Variants in KCNQ5 observed in about 807,000 individuals in gnomAD.
KCNQ5 encodes potassium voltage-gated channel subfamily KQT member 5.
Under a neutral mutation model 98.2 loss-of-function variants are expected in KCNQ5, and 30 were observed. That is an observed-to-expected ratio of 0.31 (90% CI 0.23 to 0.41). The LOEUF is 0.41. Among genes scored for constraint, KCNQ5 ranks in the 10% least tolerant of loss-of-function variants. The pLI, the probability that KCNQ5 is intolerant of heterozygous loss-of-function variation, is 1.00. For missense variants in KCNQ5, 835 were observed against 1,182.5 expected, an observed-to-expected ratio of 0.71 and a Z score of 4.31; for synonymous variants, 458 against 449.4, an observed-to-expected ratio of 1.02 and a Z score of -0.24.
intron 1 of KCNQ5, among the ~76,000 whole-genome samples, chr6:72,694,696 G>A (rs1768392638): frequency 6.6e-6 from 1 of 152,114 alleles, no homozygotes. Flanking sequence ...TCACGATACT[G>A]GAACTACACC....
intron 10 of KCNQ5, among the ~76,000 whole-genome samples, chr6:73,139,360 G>T (rs553723718): frequency 4.5e-4 from 68 of 152,280 alleles, no homozygotes; most frequent in Middle Eastern, 3.4e-3. Context: ...GATCAAGTGT[G>T]GGGGGAAGTA....
intron 1 of KCNQ5, among the ~76,000 whole-genome samples, chr6:72,997,464 C>T (rs935237133): frequency 3.3e-5 from 5 of 151,918 alleles, no homozygotes; most frequent in Non-Finnish European, 5.9e-5. Flanking sequence ...AAAAACTGCT[C>T]GCTGATGACG....
At chr6:72,811,514 C>T (rs1582336786) in intron 1 of KCNQ5, among the ~76,000 whole-genome samples, 3 of 152,160 alleles carry the variant, frequency 2.0e-5, no homozygotes, top group East Asian at 3.9e-4. Context: ...CTCTTTCCTA[C>T]TAAAAAAGAA....
At chr6:72,942,492 A>G (rs1485042075) in intron 1 of KCNQ5, among the ~76,000 whole-genome samples, 1 of 152,238 alleles carries the variant, frequency 6.6e-6, no homozygotes, top group African/African-American at 2.4e-5. Context: ...TGCTACAGAT[A>G]AAAAATTAAA....
chr6:72,987,498 A>G, intron 1 of KCNQ5: 1 of 663,600 alleles, frequency 1.5e-6, no homozygotes, highest in South Asian at 1.4e-5. Context: ...TGGTGGCTTC[A>G]AAAACCTGTC....
intron 1 of KCNQ5, among the ~76,000 whole-genome samples, chr6:72,832,360 C>A (rs1776314197): frequency 6.6e-6 from 1 of 152,116 alleles, no homozygotes; most frequent in African/African-American, 2.4e-5. Context: ...TTAGCTGACT[C>A]TGTATACCCT....
At chr6:73,063,689 TA>T (rs58755249) in intron 3 of KCNQ5, among the ~76,000 whole-genome samples, 10,472 of 92,494 alleles carry the variant, frequency 0.11, 634 homozygotes, top group East Asian at 0.17. Context: ...AGATAGATGA[TA>T]GATAGATAGA....
In KCNQ5 at chr6:72,844,417, T is replaced by G. The variant is rs183059142; in HGVS notation, c.399-159491T>G. ...ATCATCTTTAAAATGTGCAGTTCTC[T>G]TCAGGTTATTCTCTAGATCCATTCT... is the stretch of plus-strand genomic sequence containing the variant. On this transcript the variant is annotated intron_variant, in intron 1 of 13. Transcript: ENST00000370398. 2.0e-5 allele frequency among the ~76,000 whole-genome samples: 3 copies of G among 152,372 alleles called. No individual in the cohort carries two copies. In the East Asian group the frequency reaches 5.8e-4, roughly 29 times the overall value.
intron 1 of KCNQ5, among the ~76,000 whole-genome samples, chr6:72,809,100 G>T (rs1775102746): frequency 6.6e-6 from 1 of 151,652 alleles, no homozygotes; most frequent in South Asian, 2.1e-4. Flanking sequence ...TAGGGACATG[G>T]ATGAAACTGG....
chr6:72,718,718 G>A (rs1437720807), intron 1 of KCNQ5, among the ~76,000 whole-genome samples: 1 of 151,894 alleles, frequency 6.6e-6, no homozygotes, highest in Admixed American at 6.6e-5. Context: ...CAAAGTGCTG[G>A]GATTAGAGGC....
intron 2 of KCNQ5, among the ~76,000 whole-genome samples, chr6:73,039,655 T>C (rs888860585): frequency 6.6e-6 from 1 of 152,224 alleles, no homozygotes; most frequent in African/African-American, 2.4e-5. Flanking sequence ...TTTCTAGTTT[T>C]ATTCCATTGT....
chr6:72,952,306 A>G (rs1288824386), intron 1 of KCNQ5, among the ~76,000 whole-genome samples: 2 of 152,154 alleles, frequency 1.3e-5, no homozygotes, highest in Admixed American at 1.3e-4. Context: ...TGTGCTAACA[A>G]CTTTTCCATT....
intron 6 of KCNQ5, among the ~76,000 whole-genome samples, chr6:73,107,921 G>GA (rs556672218): frequency 1.7e-4 from 26 of 152,092 alleles, no homozygotes; most frequent in Admixed American, 8.5e-4. Flanking sequence ...TATACCTTTA[G>GA]AAAAAAACAA....
rs568629758 is a variant in KCNQ5 at position 72,671,512 on chromosome 6, A to G, written c.398+48925A>G. 2.6e-5 allele frequency among the ~76,000 whole-genome samples: 4 copies of G among 152,346 alleles called. No individual in the cohort carries two copies. The South Asian group carries it at 6.2e-4, about 24-fold the overall frequency. On this transcript the variant is annotated intron_variant, in intron 1 of 13. Coordinates refer to ENST00000370398, the MANE Select transcript of KCNQ5 (RefSeq NM_019842.4). ...CTTGAGTCTTGTTTTCTAGAGAGAC[A>G]AGATAATGACAATGAACACATTTTT...
intron 1 of KCNQ5, among the ~76,000 whole-genome samples, chr6:72,693,319 A>G (rs943122816): frequency 6.6e-6 from 1 of 152,140 alleles, no homozygotes; most frequent in Non-Finnish European, 1.5e-5. Context: ...CAAGATGTGG[A>G]GAGATTTTAA....
chr6:73,035,347 G>A (rs1229147135), intron 2 of KCNQ5, among the ~76,000 whole-genome samples: 1 of 152,142 alleles, frequency 6.6e-6, no homozygotes, highest in Non-Finnish European at 1.5e-5. Flanking sequence ...AAATAAGGAA[G>A]GACAGGACCA....
chr6:73,069,505 G>A (rs765296611), intron 3 of KCNQ5, among the ~76,000 whole-genome samples: 5 of 151,940 alleles, frequency 3.3e-5, no homozygotes, highest in African/African-American at 7.3e-5. Context: ...TGATATGTAC[G>A]GAGCTAGTCA....
intron 1 of KCNQ5, among the ~76,000 whole-genome samples, chr6:72,764,178 A>C (rs962788106): frequency 6.6e-6 from 1 of 152,026 alleles, no homozygotes; most frequent in African/African-American, 2.4e-5. Flanking sequence ...ATGAAAAAAA[A>C]CACTCTGTTA....
At chr6:73,019,804 T>C (rs1396109093) in intron 2 of KCNQ5, among the ~76,000 whole-genome samples, 1 of 152,170 alleles carries the variant, frequency 6.6e-6, no homozygotes, top group Non-Finnish European at 1.5e-5. Flanking sequence ...AATATTTTGT[T>C]AAAAATATAA....
Sources: gnomAD v4.1 joint callset for allele counts (sites outside exome capture counted in the v4.1 genomes callset) on GRCh38, gnomAD v4.1.1 for gene constraint, MANE v1.5 for transcripts, NCBI Gene and HGNC (gene_info 2026-07-23, HGNC 2026-07-21) for gene names.